The following PRR14L variants were observed in gnomAD, a reference collection of about 807,000 sequenced individuals.
PRR14L encodes proline rich 14 like.
Under a neutral mutation model 155.0 loss-of-function variants are expected in PRR14L, and 80 were observed. The observed-to-expected ratio is 0.52, with a 90% confidence interval of 0.43 to 0.62. The LOEUF (loss-of-function observed/expected upper bound fraction) is 0.62. Among genes scored for constraint, PRR14L ranks in the 20% least tolerant of loss-of-function variants. PRR14L has a pLI of 0.00. For missense variants in PRR14L, 2,469 were observed against 2,548.0 expected, an observed-to-expected ratio of 0.97 and a Z score of 0.67; for synonymous variants, 883 against 916.0, an observed-to-expected ratio of 0.96 and a Z score of 0.65.
intron 3 of PRR14L, among the ~76,000 whole-genome samples, chr22:31,718,929 C>T (rs2074675238): frequency 6.6e-6 from 1 of 151,978 alleles, no homozygotes; most frequent in Admixed American, 6.6e-5. Context: ...CAAAAATTAG[C>T]TGGGCATGGT....
chr22:31,692,501 T>C (rs2074516523), intron 7 of PRR14L, among the ~76,000 whole-genome samples: 1 of 152,220 alleles, frequency 6.6e-6, no homozygotes, highest in Non-Finnish European at 1.5e-5. Context: ...ACTTTGTCCA[T>C]TTAAAAAATA....
intron 1 of PRR14L, among the ~76,000 whole-genome samples, chr22:31,744,771 T>C (rs918176274): frequency 6.6e-6 from 1 of 152,334 alleles, no homozygotes; most frequent in East Asian, 1.9e-4. Context: ...GCTCAACATT[T>C]GTTCCAAATG....
At chr22:31,723,904 T>TA (rs1257334404) in intron 3 of PRR14L, among the ~76,000 whole-genome samples, 7 of 152,314 alleles carry the variant, frequency 4.6e-5, no homozygotes, top group East Asian at 1.9e-4. Context: ...CTTGGTCTGT[T>TA]AGAAATCGGG....
In PRR14L at chr22:31,738,850, G is replaced by A. The variant is rs1398409403; in HGVS notation, c.11C>T (p.Ser4Phe). The change falls in exon 2 of 9, where the codon TCT (serine) becomes TTT (phenylalanine). Residue 4 changes from serine (S) to phenylalanine (F), a missense_variant. Ser to Phe is a radical substitution (Grantham distance 155). Around this residue, in one of 2 missense-constraint regions of PRR14L, gnomAD observed 2,363 missense variants for 2,371.6 expected, o/e 1.00. Transcript: ENST00000327423. Reference protein sequence around the residue: MLSSGVETQPVPLD... With the variant: MLSFGVETQPVPLD... ...TGGAACTGGCTGAGTCTCTACTCCA[G>A]ATGACAGCATTAGGACAGATGCAGA... 2 of 1,538,686 alleles carry A rather than the reference G, an allele frequency of 1.3e-6. No individual in the cohort carries two copies. Among genetic ancestry groups the A allele is most frequent in the African/African-American group, 1.4e-5 (1 of 72,934 alleles).
In PRR14L at chr22:31,716,791, A is replaced by G. The variant is rs1288984928; in HGVS notation, c.1048T>C (p.Ser350Pro). 6.4e-7 allele frequency: 1 copy of G among 1,551,856 alleles called. No homozygotes were observed. The highest frequency in any genetic ancestry group is 8.7e-7 in the Non-Finnish European group (1 of 1,147,040). ...SEVSCFTSDLSGPESRTISLE... is the reference protein window; with the variant it reads ...SEVSCFTSDLPGPESRTISLE... ...GATATTGTTCTGGATTCTGGACCAG[A>G]CAAGTCTGATGTGAAACATGAAACT... The change falls in exon 4 of 9, where the codon TCT (serine) becomes CCT (proline). Residue 350 changes from serine (S) to proline (P), a missense_variant. By Grantham distance (74) the Ser-to-Pro change is moderately conservative. Transcript: ENST00000327423.
intron 3 of PRR14L, 103 bp downstream of exon 3, chr22:31,725,435 G>T: frequency 1.3e-6 from 1 of 747,152 alleles, no homozygotes; most frequent in Non-Finnish European, 2.3e-6. Flanking sequence ...ACCTTACAAG[G>T]CAAGGACTTA....
At chr22:31,747,954 A>G (rs1467871835) in intron 1 of PRR14L, among the ~76,000 whole-genome samples, 2 of 152,156 alleles carry the variant, frequency 1.3e-5, no homozygotes, top group East Asian at 3.9e-4. Context: ...CCCCAAAACA[A>G]AAGTTCTGGA....
rs940173664 is a variant in PRR14L at position 31,705,313 on chromosome 22, G to T, written c.5757-587C>A. Among the ~76,000 whole-genome samples the T allele has an allele frequency of 2.6e-5, 4 of 152,144 alleles. No individual in the cohort carries two copies. The East Asian group carries it at 7.7e-4, about 29-fold the overall frequency. On this transcript the variant is annotated intron_variant, in intron 4 of 8. Coordinates refer to ENST00000327423, the MANE Select transcript of PRR14L (RefSeq NM_173566.3). ...AAAGAATATATTATACCACTCAGTT[G>T]TGTACTGACTAATAAAATCTGACAG...
At position 31,701,759 on chromosome 22, in the gene PRR14L, C is replaced by T; in HGVS notation, c.6004G>A (p.Glu2002Lys). Residue 2002 changes from glutamate (E) to lysine (K), a missense_variant, in exon 7 of 9, where the codon GAG becomes AAG. By Grantham distance (56) the Glu-to-Lys change is moderately conservative. Coordinates refer to ENST00000327423, the MANE Select transcript of PRR14L (RefSeq NM_173566.3). ...ACTTTCTTTGGCCTCTTCTCTGGCT[C>T]AGCCTATTTTTAAGGATTAAGAAGA... ...QSSPPEQKEA[E>K]PEKRPKKVSQ... 1.2e-6 allele frequency: 2 copies of T among 1,611,512 alleles called. No homozygotes were observed. Among genetic ancestry groups the T allele is most frequent in the Non-Finnish European group, 1.7e-6 (2 of 1,178,084 alleles).
At chr22:31,717,399 C>T (rs896061166) in intron 3 of PRR14L, 108 bp from the exon 4 acceptor site, 2 of 874,236 alleles carry the variant, frequency 2.3e-6, no homozygotes, top group Non-Finnish European at 1.7e-6. Flanking sequence ...GAAGACCCAA[C>T]TCAAAAAGAA....
chr22:31,717,493 C>T (rs1054012255), intron 3 of PRR14L, among the ~76,000 whole-genome samples: 1 of 152,126 alleles, frequency 6.6e-6, no homozygotes, highest in South Asian at 2.1e-4. Context: ...CTGGCAGAAA[C>T]GTAATTTTCA....
chr22:31,728,263 C>G (rs1228859528), intron 2 of PRR14L, among the ~76,000 whole-genome samples: 3 of 152,118 alleles, frequency 2.0e-5, no homozygotes, highest in African/African-American at 4.8e-5. Context: ...GATGCAATTT[C>G]CTTTTTCTAC....
At chr22:31,721,221 C>A (rs946166009) in intron 3 of PRR14L, among the ~76,000 whole-genome samples, 2 of 152,194 alleles carry the variant, frequency 1.3e-5, no homozygotes, top group African/African-American at 4.8e-5. Flanking sequence ...CACCACTGCT[C>A]CCCCAGGTCC....
chr22:31,737,317 C>T (rs904435731), intron 2 of PRR14L, among the ~76,000 whole-genome samples: 4 of 151,726 alleles, frequency 2.6e-5, no homozygotes, highest in Non-Finnish European at 5.9e-5. Context: ...CCTATCTCTA[C>T]TAAAACTACA....
At chr22:31,735,215 G>A (rs575022535) in intron 2 of PRR14L, among the ~76,000 whole-genome samples, 4 of 152,270 alleles carry the variant, frequency 2.6e-5, no homozygotes, top group African/African-American at 7.2e-5. Flanking sequence ...CGAGGTGGGC[G>A]GATCACGAAG....
intron 2 of PRR14L, among the ~76,000 whole-genome samples, chr22:31,732,003 A>G (rs923383899): frequency 7.9e-5 from 12 of 152,212 alleles, no homozygotes; most frequent in African/African-American, 2.7e-4. Context: ...AACTATACCA[A>G]AAGATGTACT....
Position 31,688,225 on chromosome 22 carries a change from A to C in PRR14L, c.6110T>G (p.Leu2037Ter). Residue 2037 changes from leucine to a stop codon, truncating the protein, a stop_gained and splice_region_variant, in exon 8 of 9, where the codon TTA (leucine) becomes TGA (stop). Coordinates refer to ENST00000327423, the MANE Select transcript of PRR14L (RefSeq NM_173566.3). LOFTEE classifies it high-confidence loss of function. The stretch of plus-strand genomic sequence containing the variant: ...TTCTAAACTAAACTCCTTCTTCTTT[A>C]ACCTGAAAAGAAATAAGGAAAAAAA... ...TPMGLPRPKRLKKKEFSLEEI... is the reference protein window; with the variant it reads ...TPMGLPRPKR 1 of 1,584,884 alleles carries C rather than the reference A, an allele frequency of 6.3e-7. No homozygotes were observed. Among genetic ancestry groups the C allele is most frequent in the Non-Finnish European group, 8.6e-7 (1 of 1,168,794 alleles).
At chr22:31,742,133 C>G (rs2074816452) in intron 1 of PRR14L, among the ~76,000 whole-genome samples, 1 of 152,154 alleles carries the variant, frequency 6.6e-6, no homozygotes. Context: ...TCACCTGTCA[C>G]AGCACATACA....
At position 31,744,335 on chromosome 22, in the gene PRR14L, G is replaced by C. The variant is rs188083646; in HGVS notation, c.-51-5424C>G. 1.3e-4 allele frequency among the ~76,000 whole-genome samples: 20 copies of C among 152,278 alleles called. No homozygotes were observed. In the East Asian group the frequency reaches 3.9e-3, roughly 29 times the overall value. On this transcript the variant is annotated intron_variant, in intron 1 of 8. Transcript: ENST00000327423. ...TTTAATAGAGATGGGGTTTCTCTAT[G>C]TTGGTCAGGCTGATCTCAAACTCCC... is the stretch of plus-strand genomic sequence containing the variant.
Sources: gnomAD v4.1 joint callset for allele counts (sites outside exome capture counted in the v4.1 genomes callset) on GRCh38, gnomAD v4.1.1 for gene constraint, gnomAD v4.1.1 regional missense constraint, MANE v1.5 for transcripts, NCBI Gene and HGNC (gene_info 2026-07-23, HGNC 2026-07-21) for gene names.